The following IL1RAPL1 variants were observed in gnomAD, a reference collection of about 807,000 sequenced individuals.
IL1RAPL1 encodes interleukin 1 receptor accessory protein like 1, also known as interleukin-1 receptor accessory protein-like 1.
IL1RAPL1 carries 3 observed loss-of-function variants against 48.4 expected under a neutral mutation model. The observed-to-expected ratio is 0.06, with a 90% CI of 0.03 to 0.16. The LOEUF (loss-of-function observed/expected upper bound fraction) is 0.16. Ranked by LOEUF, IL1RAPL1 falls within the 10% of genes least tolerant of loss-of-function variation. IL1RAPL1 has a pLI of 1.00. For synonymous variants in IL1RAPL1, 185 were observed against 187.7 expected, an observed-to-expected ratio of 0.99 and a Z score of 0.12; for missense variants, 349 against 530.6, an observed-to-expected ratio of 0.66 and a Z score of 3.36.
intron 5 of IL1RAPL1, among the ~76,000 whole-genome samples, chrX:29,652,887 G>T (rs1054895504): frequency 1.8e-4 from 20 of 112,041 alleles, no homozygotes; most frequent in African/African-American, 6.5e-4. Flanking sequence ...TTTCACTGAT[G>T]AATTGTATTA....
intron 1 of IL1RAPL1, among the ~76,000 whole-genome samples, chrX:28,764,486 T>C (rs1451081206): frequency 1.8e-5 from 2 of 111,565 alleles, no homozygotes; most frequent in African/African-American, 6.5e-5. Context: ...GCAGATCACC[T>C]GAGGTCAGGA....
chrX:29,091,896 T>C (rs1391007443), intron 2 of IL1RAPL1, among the ~76,000 whole-genome samples: 1 of 111,134 alleles, frequency 9.0e-6, no homozygotes, highest in East Asian at 2.8e-4. Flanking sequence ...TGTTGGGCAA[T>C]AAATTGGGAG....
chrX:29,311,824 T>G (rs1044750765), intron 3 of IL1RAPL1, among the ~76,000 whole-genome samples: 1 of 111,907 alleles, frequency 8.9e-6, no homozygotes, highest in African/African-American at 3.2e-5. Flanking sequence ...TTCAAAAATT[T>G]TATATTATTA....
At chrX:29,388,106 C>CAA (rs71862742) in intron 3 of IL1RAPL1, among the ~76,000 whole-genome samples, 735 of 51,483 alleles carry the variant, frequency 0.014, 12 homozygotes, top group African/African-American at 0.025. Flanking sequence ...AAGGTTAAGC[C>CAA]AAAAAAAAAA....
chrX:29,554,342 T>C (rs953155983), intron 5 of IL1RAPL1, among the ~76,000 whole-genome samples: 2 of 111,726 alleles, frequency 1.8e-5, no homozygotes, highest in Non-Finnish European at 1.9e-5. Context: ...ATAATATTCA[T>C]ACATATTTGA....
intron 1 of IL1RAPL1, among the ~76,000 whole-genome samples, chrX:28,653,313 A>C (rs1363694901): frequency 9.0e-6 from 1 of 110,526 alleles, no homozygotes; most frequent in East Asian, 2.9e-4. Flanking sequence ...TGTCTCTACT[A>C]AAAATACAAA....
At chrX:29,452,670 T>G (rs1043750769) in intron 5 of IL1RAPL1, among the ~76,000 whole-genome samples, 7 of 111,323 alleles carry the variant, frequency 6.3e-5, no homozygotes, top group Admixed American at 1.9e-4. Context: ...ATATCACAAG[T>G]GCCTATAACA....
At position 28,632,298 on chromosome X, in the gene IL1RAPL1, C is replaced by T. The variant is rs145322584; in HGVS notation, c.-25+44251C>T. On this transcript the variant is annotated intron_variant, in intron 1 of 10. Transcript: ENST00000378993. ...TGTGTGCATCCTTTGGTATCTCTTC[C>T]TCCTCTTATAAGGACATCAGTCCTA... Among the ~76,000 whole-genome samples the T allele has an allele frequency of 7.0e-3, 778 of 111,198 alleles. 2 individuals are homozygous for T. The highest frequency in any genetic ancestry group is 9.1e-3 in the Non-Finnish European group (483 of 52,999).
At chrX:29,426,642 G>T (rs1470653991) in intron 5 of IL1RAPL1, among the ~76,000 whole-genome samples, 2 of 111,696 alleles carry the variant, frequency 1.8e-5, no homozygotes, top group East Asian at 5.6e-4. Context: ...GAGGATTATT[G>T]TGAAGATTAA....
chrX:28,642,893 G>T (rs1934563553), intron 1 of IL1RAPL1, among the ~76,000 whole-genome samples: 1 of 110,294 alleles, frequency 9.1e-6, no homozygotes, highest in Admixed American at 9.7e-5. Context: ...TTTTTGAAAA[G>T]ATTTTTTTTT....
chrX:28,912,568 G>A (rs1181687559), intron 2 of IL1RAPL1, among the ~76,000 whole-genome samples: 1 of 110,942 alleles, frequency 9.0e-6, no homozygotes, highest in African/African-American at 3.3e-5. Context: ...ATAGATGTAT[G>A]AGTGTGTGTG....
At chrX:29,323,914 A>G (rs1569285674) in intron 3 of IL1RAPL1, among the ~76,000 whole-genome samples, 1 of 101,227 alleles carries the variant, frequency 9.9e-6, no homozygotes, top group African/African-American at 3.6e-5. Context: ...GACAACTAAG[A>G]TTTTTCTTTT....
intron 5 of IL1RAPL1, among the ~76,000 whole-genome samples, chrX:29,637,049 G>A (rs1374509677): frequency 4.6e-4 from 40 of 87,207 alleles, no homozygotes; most frequent in African/African-American, 1.8e-3. Flanking sequence ...GGGAAACTCC[G>A]TCTCAAAAAA....
At chrX:28,668,501 G>A (rs192861872) in intron 1 of IL1RAPL1, among the ~76,000 whole-genome samples, 5 of 113,156 alleles carry the variant, frequency 4.4e-5, no homozygotes, top group Admixed American at 3.7e-4. Context: ...CTCTGCATCC[G>A]CCCACCTCGG....
chrX:29,142,039 C>T (rs1005579519), intron 2 of IL1RAPL1, among the ~76,000 whole-genome samples: 1 of 111,463 alleles, frequency 9.0e-6, no homozygotes, highest in African/African-American at 3.3e-5. Flanking sequence ...ACTTCTTTTT[C>T]AGTCAGAACA....
At chrX:28,872,738 C>T (rs1173385955) in intron 2 of IL1RAPL1, among the ~76,000 whole-genome samples, 1 of 112,029 alleles carries the variant, frequency 8.9e-6, no homozygotes, top group Non-Finnish European at 1.9e-5. Context: ...GTCATTTTGT[C>T]CTCATTGTTT....
chrX:28,889,465 A>C (rs956561557), intron 2 of IL1RAPL1, among the ~76,000 whole-genome samples: 13 of 111,784 alleles, frequency 1.2e-4, no homozygotes, highest in Non-Finnish European at 1.7e-4. Context: ...CTACATGAAG[A>C]AATTGTTATA....
At chrX:29,095,256 G>C (rs1247661518) in intron 2 of IL1RAPL1, among the ~76,000 whole-genome samples, 2 of 110,797 alleles carry the variant, frequency 1.8e-5, no homozygotes, top group African/African-American at 6.6e-5. Flanking sequence ...TTCCTGTTAG[G>C]CTTCACCTGA....
At chrX:28,702,021 T>C (rs1935305783) in intron 1 of IL1RAPL1, among the ~76,000 whole-genome samples, 1 of 111,625 alleles carries the variant, frequency 9.0e-6, no homozygotes, top group African/African-American at 3.2e-5. Flanking sequence ...CAGGCTCTCG[T>C]ATCTGACAGT....
Sources: allele counts gnomAD v4.1 joint callset (sites outside exome capture counted in the v4.1 genomes callset), GRCh38; gene constraint gnomAD v4.1.1; transcripts MANE v1.5; gene names NCBI Gene and HGNC (gene_info 2026-07-23, HGNC 2026-07-21).